The following MOB3B variants were observed in gnomAD, a reference collection of about 807,000 sequenced individuals.
MOB3B encodes the protein MOB kinase activator 3B.
In MOB3B, 7 loss-of-function variants were observed where a neutral mutation model predicts 18.7. The ratio of observed to expected loss-of-function variants is 0.37; its 90% CI spans 0.21 to 0.70. The LOEUF (loss-of-function observed/expected upper bound fraction) is 0.70. Among genes scored for constraint, MOB3B ranks in the 30% least tolerant of loss-of-function variants. MOB3B has a pLI of 0.52. For synonymous variants in MOB3B, 111 were observed against 99.9 expected (o/e 1.11, Z -0.66); for missense variants, 253 against 281.3 (o/e 0.90, Z 0.72).
intron 2 of MOB3B, among the ~76,000 whole-genome samples, chr9:27,412,790 T>C (rs1326887020): frequency 4.6e-5 from 7 of 152,240 alleles, no homozygotes; most frequent in African/African-American, 1.4e-4. Flanking sequence ...TAGCTTATTA[T>C]AGCTGGTCAC....
At chr9:27,387,819 G>C (rs1259212532) in intron 2 of MOB3B, among the ~76,000 whole-genome samples, 1 of 152,184 alleles carries the variant, frequency 6.6e-6, no homozygotes, top group Non-Finnish European at 1.5e-5. Flanking sequence ...TGAGAGGCTA[G>C]GATGGAAAAC....
At chr9:27,365,200 C>G (rs1003007697) in intron 2 of MOB3B, among the ~76,000 whole-genome samples, 38 of 146,278 alleles carry the variant, frequency 2.6e-4, no homozygotes, top group African/African-American at 9.7e-4. Context: ...GAAAGGATAG[C>G]TTTTTGCCAG....
At chr9:27,466,109 C>A (rs1838558094) in intron 1 of MOB3B, among the ~76,000 whole-genome samples, 1 of 152,204 alleles carries the variant, frequency 6.6e-6, no homozygotes, top group Non-Finnish European at 1.5e-5. Flanking sequence ...ATTTTCTGAA[C>A]TTTTACGCTC....
intron 3 of MOB3B, among the ~76,000 whole-genome samples, chr9:27,332,078 A>T (rs77144217): frequency 0.12 from 18,486 of 152,160 alleles, 1,177 homozygotes; most frequent in East Asian, 0.21. Flanking sequence ...CTGCAGCCTC[A>T]ACCACTCGGG....
chr9:27,406,159 C>T (rs1336691752), intron 2 of MOB3B, among the ~76,000 whole-genome samples: 1 of 152,082 alleles, frequency 6.6e-6, no homozygotes, highest in Non-Finnish European at 1.5e-5. Flanking sequence ...ATGCTATGAT[C>T]TTATATTTAG....
In MOB3B at chr9:27,529,631, G is replaced by A; in HGVS notation, c.-275C>T. ...AGCTGCAGCCAGCGCGAAAGAAAAT[G>A]GTGAGCTCGGGGCAGGTGGGGCGTC... On this transcript the variant is annotated 5_prime_UTR_variant, in exon 1 of 4. Transcript: ENST00000262244. 1.0e-6 allele frequency: 1 copy of A among 985,614 alleles called. No homozygotes were observed. Among genetic ancestry groups the A allele is most frequent in the South Asian group, 4.7e-5 (1 of 21,296 alleles). 61.1% of individuals were successfully genotyped at this position (985,614 alleles called of 1,614,324 possible). A position where few individuals can be genotyped will look rare whatever the true frequency, so the allele number is the denominator to read the frequency against.
intron 2 of MOB3B, chr9:27,394,090 T>C (rs1821766767): frequency 6.6e-6 from 1 of 152,222 alleles, no homozygotes. Flanking sequence ...ATCTCTGTTT[T>C]ACTGGTGCAG....
At chr9:27,411,974 C>G (rs1433268619) in intron 2 of MOB3B, among the ~76,000 whole-genome samples, 2 of 151,918 alleles carry the variant, frequency 1.3e-5, no homozygotes, top group African/African-American at 2.4e-5. Context: ...TTCTGTAAAC[C>G]TAAAACTGCT....
chr9:27,381,793 C>T (rs185201155), intron 2 of MOB3B, among the ~76,000 whole-genome samples: 4 of 152,210 alleles, frequency 2.6e-5, no homozygotes, highest in East Asian at 1.9e-4. Flanking sequence ...ACTATAAGAA[C>T]GCACCACCAC....
Position 27,326,164 on chromosome 9 carries a change from T to C in MOB3B, c.*4423A>G. On this transcript the variant is annotated 3_prime_UTR_variant, in exon 4 of 4. Transcript: ENST00000262244. ...GAAACAATATAGTTTGGAGAAGGCA[T>C]GAAATAAGTTCTTTTCATGTTCACT... 3.5e-6 allele frequency: 1 copy of C among 285,362 alleles called. No individual in the cohort carries two copies. Among genetic ancestry groups the C allele is most frequent in the Non-Finnish European group, 6.4e-6 (1 of 155,638 alleles). 17.7% of individuals were successfully genotyped at this position (285,362 alleles called of 1,614,324 possible).
chr9:27,351,535 A>G (rs7031583), intron 3 of MOB3B, among the ~76,000 whole-genome samples: 65,476 of 152,144 alleles, frequency 0.43, 14,481 homozygotes, highest in Middle Eastern at 0.51. Context: ...CTGAGTCCAC[A>G]TCAAGCCTTC....
intron 3 of MOB3B, among the ~76,000 whole-genome samples, chr9:27,339,701 G>A (rs1820913401): frequency 6.6e-6 from 1 of 152,222 alleles, no homozygotes; most frequent in South Asian, 2.1e-4. Context: ...GTTGAAACTT[G>A]AAAACCCATC....
chr9:27,384,271 T>A (rs925928106), intron 2 of MOB3B, among the ~76,000 whole-genome samples: 3 of 152,062 alleles, frequency 2.0e-5, no homozygotes, highest in African/African-American at 7.2e-5. Context: ...ACTTTTTTTT[T>A]AAACTATAAA....
chr9:27,460,336 A>G (rs904439646), intron 1 of MOB3B, among the ~76,000 whole-genome samples: 42 of 152,226 alleles, frequency 2.8e-4, no homozygotes, highest in Non-Finnish European at 4.7e-4. Context: ...TCTGCCTAAT[A>G]GATCAATTAT....
intron 1 of MOB3B, among the ~76,000 whole-genome samples, chr9:27,514,757 T>C (rs550072097): frequency 2.6e-4 from 39 of 152,326 alleles, no homozygotes; most frequent in Middle Eastern, 6.8e-3. Context: ...CTCTTTTCTG[T>C]AGCTCAACAT....
intron 1 of MOB3B, among the ~76,000 whole-genome samples, chr9:27,482,330 T>A (rs950625227): frequency 1.6e-4 from 24 of 152,022 alleles, no homozygotes; most frequent in Non-Finnish European, 3.1e-4. Context: ...TGGATGTTTG[T>A]TCCACCAGGT....
intron 1 of MOB3B, among the ~76,000 whole-genome samples, chr9:27,500,490 A>G (rs990720631): frequency 6.6e-6 from 1 of 152,200 alleles, no homozygotes; most frequent in Non-Finnish European, 1.5e-5. Context: ...AAAAACAAGA[A>G]ATGGGGAAAG....
chr9:27,481,305 T>G (rs1436512248), intron 1 of MOB3B, among the ~76,000 whole-genome samples: 1 of 152,040 alleles, frequency 6.6e-6, no homozygotes, highest in African/African-American at 2.4e-5. Flanking sequence ...AACTAAATGC[T>G]CCAGCTAAAA....
At chr9:27,351,951 C>T (rs1043477837) in intron 3 of MOB3B, among the ~76,000 whole-genome samples, 1 of 152,072 alleles carries the variant, frequency 6.6e-6, no homozygotes, top group African/African-American at 2.4e-5. Context: ...TAGAGCCTAC[C>T]ATAAATCTCA....
Sources: gnomAD v4.1 joint callset for allele counts (sites outside exome capture counted in the v4.1 genomes callset) on GRCh38, gnomAD v4.1.1 for gene constraint, MANE v1.5 for transcripts, NCBI Gene and HGNC (gene_info 2026-07-23, HGNC 2026-07-21) for gene names.